The following AIG1 variants were observed in gnomAD, a reference collection of about 807,000 sequenced individuals.
AIG1 encodes androgen-induced gene 1 protein.
Under a neutral mutation model 31.4 loss-of-function variants are expected in AIG1, and 23 were observed. That is an observed-to-expected ratio of 0.73 (90% confidence interval 0.53 to 1.04). The LOEUF is 1.04. AIG1 is among the 50% of genes least tolerant of loss of function. The probability of loss-of-function intolerance (pLI) is 0.00; values close to 1 mark genes in which losing one functional copy is unlikely to be tolerated. For synonymous variants in AIG1, 100 were observed against 110.5 expected, an observed-to-expected ratio of 0.90 and a Z score of 0.60; for missense variants, 274 against 295.0, an observed-to-expected ratio of 0.93 and a Z score of 0.52.
At chr6:143,059,533 AATC>A (rs550688522), upstream of AIG1, among the ~76,000 whole-genome samples, 652 of 152,328 alleles carry the variant, frequency 4.3e-3, 3 homozygotes, top group Non-Finnish European at 5.5e-3. Flanking sequence ...TTTAACCAAA[AATC>A]ATCAATAATA....
At chr6:143,073,543 C>A (rs1777477558) in intron 1 of AIG1, among the ~76,000 whole-genome samples, 1 of 152,104 alleles carries the variant, frequency 6.6e-6, no homozygotes, top group African/African-American at 2.4e-5. Context: ...AACATTTCTT[C>A]TTTTTTGACG....
At chr6:143,109,846 C>T (rs1781119654) in intron 1 of AIG1, among the ~76,000 whole-genome samples, 1 of 152,168 alleles carries the variant, frequency 6.6e-6, no homozygotes, top group East Asian at 1.9e-4. Context: ...CTCTTTATGA[C>T]ATCTTTTGAT....
intron 3 of AIG1, among the ~76,000 whole-genome samples, chr6:143,219,594 G>T (rs928077405): frequency 6.6e-6 from 1 of 152,192 alleles, no homozygotes; most frequent in African/African-American, 2.4e-5. Context: ...ACAGATGCCT[G>T]TAGAACTCCT....
At chr6:143,321,496 G>C (rs1776205799) in intron 4 of AIG1, among the ~76,000 whole-genome samples, 1 of 151,976 alleles carries the variant, frequency 6.6e-6, no homozygotes, top group Admixed American at 6.6e-5. Flanking sequence ...CTACTCAGGA[G>C]TCTGAGGCAG....
At chr6:143,193,374 G>A (rs774511238) in intron 3 of AIG1, among the ~76,000 whole-genome samples, 3 of 152,014 alleles carry the variant, frequency 2.0e-5, no homozygotes, top group Non-Finnish European at 4.4e-5. Context: ...TCTTCATTTT[G>A]TCTTGACTTT....
At chr6:143,166,682 G>T (rs780709354) in intron 3 of AIG1, among the ~76,000 whole-genome samples, 1 of 152,152 alleles carries the variant, frequency 6.6e-6, no homozygotes, top group African/African-American at 2.4e-5. Context: ...GAATGAATTC[G>T]CTATAGCCAA....
At chr6:143,232,291 T>C (rs549647190) in intron 3 of AIG1, among the ~76,000 whole-genome samples, 1 of 152,296 alleles carries the variant, frequency 6.6e-6, no homozygotes, top group Admixed American at 6.5e-5. Context: ...TCATGAGAAT[T>C]AAGGGTATGG....
intron 4 of AIG1, among the ~76,000 whole-genome samples, chr6:143,319,184 A>G (rs1241626954): frequency 1.3e-5 from 2 of 152,226 alleles, no homozygotes; most frequent in African/African-American, 4.8e-5. Context: ...ATACATGTTC[A>G]TAGCAGCACA....
At chr6:143,168,787 G>A (rs540476210) in intron 3 of AIG1, among the ~76,000 whole-genome samples, 2 of 151,954 alleles carry the variant, frequency 1.3e-5, no homozygotes, top group Non-Finnish European at 2.9e-5. Flanking sequence ...TGAGTGACAG[G>A]AGTGAGACCC....
At chr6:143,095,411 G>C (rs1186553433) in intron 1 of AIG1, among the ~76,000 whole-genome samples, 1 of 152,128 alleles carries the variant, frequency 6.6e-6, no homozygotes, top group Non-Finnish European at 1.5e-5. Context: ...ACTCATCCTG[G>C]CAAAGTTTGA....
intron 4 of AIG1, among the ~76,000 whole-genome samples, chr6:143,312,644 C>T (rs1775390192): frequency 6.6e-6 from 1 of 151,994 alleles, no homozygotes; most frequent in Non-Finnish European, 1.5e-5. Flanking sequence ...GGACATTGGA[C>T]TGGCCAAAGA....
Position 143,292,445 on chromosome 6 carries a change from C to G in AIG1, c.515+8220C>G, listed in dbSNP as rs1798119824. Among the ~76,000 whole-genome samples, 1 of 152,144 alleles carries G rather than the reference C, an allele frequency of 6.6e-6. No individual in the cohort carries two copies. The highest frequency in any genetic ancestry group is 1.5e-5 in the Non-Finnish European group (1 of 68,032). On this transcript the variant is annotated intron_variant, in intron 4 of 5. Transcript: ENST00000357847. This position sits in a 1 kb window ranked among gnomAD's most constrained non-coding sequence, Gnocchi z 4.9. Reference sequence around the variant, plus strand: ...GGAGAAAGGACTTGAACTGCCGTCACTGGCTTTGAAGACAGAGGAAGGGGC... The same window carrying G: ...GGAGAAAGGACTTGAACTGCCGTCAGTGGCTTTGAAGACAGAGGAAGGGGC...
intron 3 of AIG1, among the ~76,000 whole-genome samples, chr6:143,245,731 C>CT: frequency 6.6e-6 from 1 of 152,182 alleles, no homozygotes; most frequent in South Asian, 2.1e-4. Context: ...GTTTTTTGCT[C>CT]TCATTTATTG....
chr6:143,198,492 T>A (rs1375408814), intron 3 of AIG1, among the ~76,000 whole-genome samples: 1 of 152,224 alleles, frequency 6.6e-6, no homozygotes, highest in African/African-American at 2.4e-5. Context: ...AAACTGACAT[T>A]GTTGAGTTTT....
chr6:143,158,100 A>T (rs558718238), intron 2 of AIG1, among the ~76,000 whole-genome samples: 2 of 151,962 alleles, frequency 1.3e-5, no homozygotes, highest in Non-Finnish European at 2.9e-5. Flanking sequence ...TCCTCAGCTC[A>T]TTTTTATCAC....
At chr6:143,152,005 C>T (rs928061167) in intron 2 of AIG1, among the ~76,000 whole-genome samples, 5 of 152,190 alleles carry the variant, frequency 3.3e-5, no homozygotes, top group African/African-American at 7.2e-5. Context: ...TGCCCATACA[C>T]CTACTCACTA....
At chr6:143,276,720 T>C (rs1796942257) in intron 3 of AIG1, among the ~76,000 whole-genome samples, 1 of 151,092 alleles carries the variant, frequency 6.6e-6, no homozygotes. Context: ...ATGTCTCTAC[T>C]AGGAAGGGAG....
intron 3 of AIG1, among the ~76,000 whole-genome samples, chr6:143,234,787 A>G: frequency 6.6e-6 from 1 of 152,240 alleles, no homozygotes; most frequent in Non-Finnish European, 1.5e-5. Context: ...AACACCATTG[A>G]TAATAAGATG....
intron 1 of AIG1, among the ~76,000 whole-genome samples, chr6:143,068,811 C>T (rs193256643): frequency 8.6e-4 from 131 of 152,158 alleles, no homozygotes; most frequent in Admixed American, 1.5e-3. Flanking sequence ...TATGTGTGTT[C>T]ATACGTATGT....
Sources: gnomAD v4.1 joint callset for allele counts (sites outside exome capture counted in the v4.1 genomes callset) on GRCh38, gnomAD v4.1.1 for gene constraint, Gnocchi (gnomAD v3.1) non-coding constraint, MANE v1.5 for transcripts, NCBI Gene and HGNC (gene_info 2026-07-23, HGNC 2026-07-21) for gene names.